Variants in RNF169 observed in about 807,000 individuals in gnomAD.
The protein encoded by RNF169 is ring finger protein 169, also known as E3 ubiquitin-protein ligase RNF169.
RNF169 carries 24 observed loss-of-function variants against 53.9 expected under a neutral mutation model. The observed-to-expected ratio is 0.45, with a 90% CI of 0.32 to 0.63. The LOEUF (loss-of-function observed/expected upper bound fraction) is 0.63. Ranked by LOEUF, RNF169 falls within the 20% of genes least tolerant of loss-of-function variation. RNF169 has a pLI of 0.04. For missense variants in RNF169, 883 were observed against 906.2 expected (o/e 0.97, Z 0.33); for synonymous variants, 396 against 363.5 (o/e 1.09, Z -1.02).
intron 1 of RNF169, among the ~76,000 whole-genome samples, chr11:74,773,121 G>A (rs2035283409): frequency 6.6e-6 from 1 of 152,182 alleles, no homozygotes; most frequent in South Asian, 2.1e-4. Context: ...GTGACTAGGA[G>A]ATTTGTCCTG....
intron 2 of RNF169, among the ~76,000 whole-genome samples, chr11:74,795,288 C>T (rs1483100903): frequency 6.8e-6 from 1 of 148,110 alleles, no homozygotes; most frequent in African/African-American, 2.5e-5. Context: ...AGTGTGATCT[C>T]AGCTCACTGT....
chr11:74,749,073 G>A lies in RNF169; in HGVS notation c.193G>A (p.Glu65Lys). 3 of 1,463,350 alleles carry A rather than the reference G, an allele frequency of 2.1e-6. No individual in the cohort carries two copies. Among genetic ancestry groups the A allele is most frequent in the Non-Finnish European group, 2.7e-6 (3 of 1,107,262 alleles). 90.6% of individuals were successfully genotyped at this position (1,463,350 alleles called of 1,614,324 possible). A position where few individuals can be genotyped will look rare whatever the true frequency, so the allele number is the denominator to read the frequency against. Residue 65 changes from glutamate to lysine, a missense_variant, in exon 1 of 6, where the codon GAA becomes AAA. By Grantham distance (56) the Glu-to-Lys change is moderately conservative (BLOSUM62 1). Around this residue, in one of 3 missense-constraint regions of RNF169, gnomAD observed 313 missense variants for 279.9 expected, o/e 1.12. Transcript: ENST00000299563. ...LQPPLPPRPE[E>K]SGCAGCLEPP... Reference sequence around the variant, plus strand: ...GCCGCCGCTGCCGCCGCGGCCGGAGGAATCGGGCTGCGCCGGGTGCCTGGA... The same window carrying A: ...GCCGCCGCTGCCGCCGCGGCCGGAGAAATCGGGCTGCGCCGGGTGCCTGGA...
intron 2 of RNF169, among the ~76,000 whole-genome samples, chr11:74,793,747 AT>A: frequency 6.6e-6 from 1 of 152,290 alleles, no homozygotes; most frequent in East Asian, 1.9e-4. Context: ...ATTTCTAAAT[AT>A]ATTTAGATTT....
chr11:74,759,984 C>G (rs1260612867), intron 1 of RNF169, among the ~76,000 whole-genome samples: 1 of 151,384 alleles, frequency 6.6e-6, no homozygotes, highest in East Asian at 1.9e-4. Flanking sequence ...GCCACAATTT[C>G]AGCTCCTGTT....
intron 2 of RNF169, among the ~76,000 whole-genome samples, chr11:74,802,052 G>A (rs968503404): frequency 6.6e-6 from 1 of 152,194 alleles, no homozygotes; most frequent in Non-Finnish European, 1.5e-5. Flanking sequence ...AACACCGTGA[G>A]ACTGTATGGT....
At chr11:74,771,991 A>C (rs748353529) in intron 1 of RNF169, among the ~76,000 whole-genome samples, 1 of 152,210 alleles carries the variant, frequency 6.6e-6, no homozygotes, top group Non-Finnish European at 1.5e-5. Context: ...AAATCCAAAG[A>C]CAGTCCGAAA....
intron 1 of RNF169, among the ~76,000 whole-genome samples, chr11:74,751,542 G>T (rs1591381886): frequency 6.6e-6 from 1 of 152,266 alleles, no homozygotes; most frequent in East Asian, 1.9e-4. Context: ...GAGGAAGTTT[G>T]GCTTGATGAT....
intron 3 of RNF169, among the ~76,000 whole-genome samples, chr11:74,814,867 A>G (rs2035922786): frequency 6.6e-6 from 1 of 152,140 alleles, no homozygotes; most frequent in Admixed American, 6.5e-5. Flanking sequence ...AAATTACTAG[A>G]AGTAGAGTGA....
At chr11:74,816,611 T>C (rs1591424345) in intron 3 of RNF169, among the ~76,000 whole-genome samples, 1 of 152,204 alleles carries the variant, frequency 6.6e-6, no homozygotes. Flanking sequence ...AAAAGTGATA[T>C]TTTAGATGAC....
chr11:74,809,500 A>C (rs1036564802), intron 2 of RNF169, among the ~76,000 whole-genome samples: 1 of 152,138 alleles, frequency 6.6e-6, no homozygotes, highest in African/African-American at 2.4e-5. Flanking sequence ...ACCTCCCCAA[A>C]ATAAAGAGCA....
intron 4 of RNF169, among the ~76,000 whole-genome samples, chr11:74,825,086 G>A (rs892030714): frequency 6.6e-6 from 1 of 152,076 alleles, no homozygotes; most frequent in African/African-American, 2.4e-5. Context: ...TAGACTTCAG[G>A]TTAAAAATTG....
intron 4 of RNF169, among the ~76,000 whole-genome samples, chr11:74,826,715 A>G (rs1051523175): frequency 1.3e-5 from 2 of 152,262 alleles, no homozygotes; most frequent in African/African-American, 4.8e-5. Context: ...AAATTGGCCA[A>G]AATGAAGGGG....
chr11:74,777,428 G>A (rs1259111678), intron 1 of RNF169, among the ~76,000 whole-genome samples: 1 of 152,110 alleles, frequency 6.6e-6, no homozygotes, highest in Non-Finnish European at 1.5e-5. Flanking sequence ...AAGGCCATAA[G>A]GTCCAAAGCC....
At chr11:74,751,138 TG>T (rs1461413241) in intron 1 of RNF169, among the ~76,000 whole-genome samples, 1 of 151,370 alleles carries the variant, frequency 6.6e-6, no homozygotes, top group African/African-American at 2.5e-5. Flanking sequence ...CCTGAAGTGT[TG>T]GGATTACAGG....
chr11:74,834,493 C>CT (rs1251185866), intron 4 of RNF169, among the ~76,000 whole-genome samples, 183 bp from the exon 5 acceptor site: 4 of 152,218 alleles, frequency 2.6e-5, no homozygotes, highest in African/African-American at 9.6e-5. Context: ...GGAGCACTGT[C>CT]TTTTGGCAGA....
intron 4 of RNF169, chr11:74,831,971 A>T (rs917315748): frequency 6.6e-6 from 1 of 152,216 alleles, no homozygotes; most frequent in African/African-American, 2.4e-5. Flanking sequence ...TTGGGCCCCA[A>T]CCTCATACCA....
At chr11:74,800,243 C>T (rs1458999442) in intron 2 of RNF169, among the ~76,000 whole-genome samples, 5 of 152,060 alleles carry the variant, frequency 3.3e-5, no homozygotes, top group African/African-American at 1.2e-4. Flanking sequence ...TCTAAAATTG[C>T]AAACTTGGTT....
At chr11:74,811,196 T>A (rs500827) in intron 3 of RNF169, among the ~76,000 whole-genome samples, 40,081 of 151,976 alleles carry the variant, frequency 0.26, 5,531 homozygotes, top group South Asian at 0.42. Flanking sequence ...TGTAACTGTT[T>A]GTACACTTCG....
chr11:74,754,797 G>A (rs1190812107), intron 1 of RNF169, among the ~76,000 whole-genome samples: 9 of 152,220 alleles, frequency 5.9e-5, no homozygotes, highest in Non-Finnish European at 2.9e-5. Context: ...TCCAGTCTGG[G>A]CGACAGAGCG....
Sources: gnomAD v4.1 joint callset for allele counts (sites outside exome capture counted in the v4.1 genomes callset) on GRCh38, gnomAD v4.1.1 for gene constraint, gnomAD v4.1.1 regional missense constraint, MANE v1.5 for transcripts, NCBI Gene and HGNC (gene_info 2026-07-23, HGNC 2026-07-21) for gene names.